The following COL8A1 variants were observed in gnomAD, a reference collection of about 807,000 sequenced individuals.
COL8A1 encodes collagen type VIII alpha 1 chain.
A neutral mutation model predicts 42.7 loss-of-function variants in COL8A1; 21 were observed. That is an observed-to-expected ratio of 0.49 (90% confidence interval 0.35 to 0.71). The LOEUF (loss-of-function observed/expected upper bound fraction) is 0.71, where lower values mean the gene tolerates loss of function less well. Among genes scored for constraint, COL8A1 ranks in the 30% least tolerant of loss-of-function variants. The pLI, the probability that COL8A1 is intolerant of heterozygous loss-of-function variation, is 0.01. For missense variants in COL8A1, 788 were observed against 962.4 expected (o/e 0.82, Z 2.40); for synonymous variants, 367 against 369.1 (o/e 0.99, Z 0.06).
At chr3:99,728,967 T>A (rs1696566773) in intron 1 of COL8A1, among the ~76,000 whole-genome samples, 1 of 152,088 alleles carries the variant, frequency 6.6e-6, no homozygotes, top group African/African-American at 2.4e-5. Flanking sequence ...GACCATGTCC[T>A]GCATCACCAT....
chr3:99,702,424 A>G (rs555442901), intron 1 of COL8A1, among the ~76,000 whole-genome samples: 1 of 152,338 alleles, frequency 6.6e-6, no homozygotes, highest in South Asian at 2.1e-4. Flanking sequence ...AAATTCACTT[A>G]GAGTCTAGTT....
rs546183732 is a variant in COL8A1 at position 99,652,735 on chromosome 3, G to A, written c.-129+14071G>A. Among the ~76,000 whole-genome samples the A allele has an allele frequency of 4.8e-4, 73 of 152,328 alleles. 1 individual carries two copies. The highest frequency in any genetic ancestry group is 1.0e-3 in the South Asian group (5 of 4,828). On this transcript the variant is annotated intron_variant, in intron 1 of 3. Transcript: ENST00000652472. ...GCAGCTAACATGTCTTGATGGGCTA[G>A]TCAGCAGGAATAGTTTTGTAGGTTA...
chr3:99,739,814 G>T (rs1257525781), intron 1 of COL8A1, among the ~76,000 whole-genome samples: 1 of 152,106 alleles, frequency 6.6e-6, no homozygotes, highest in Non-Finnish European at 1.5e-5. Flanking sequence ...CATTGTCTTG[G>T]TATTAACATC....
chr3:99,680,604 T>C (rs1202496139), intron 1 of COL8A1: 1 of 152,190 alleles, frequency 6.6e-6, no homozygotes, highest in South Asian at 2.1e-4. Flanking sequence ...TAGTTTACAG[T>C]CCCACCAACA....
At chr3:99,646,723 C>G (rs1937650307) in intron 1 of COL8A1, among the ~76,000 whole-genome samples, 1 of 152,036 alleles carries the variant, frequency 6.6e-6, no homozygotes, top group South Asian at 2.1e-4. Flanking sequence ...ATACAGAGGT[C>G]AATCCCACAT....
chr3:99,712,091 A>C (rs1044332388), intron 1 of COL8A1, among the ~76,000 whole-genome samples: 5 of 152,288 alleles, frequency 3.3e-5, no homozygotes, highest in Non-Finnish European at 5.9e-5. Context: ...ATAAAGTCAT[A>C]CTTTGAAATT....
At chr3:99,776,171 T>C (rs1440104054) in intron 2 of COL8A1, among the ~76,000 whole-genome samples, 1 of 152,192 alleles carries the variant, frequency 6.6e-6, no homozygotes, top group Non-Finnish European at 1.5e-5. Context: ...TAGTCTTTAC[T>C]GTGTTTCAAG....
At chr3:99,735,129 G>T (rs1457162540) in intron 1 of COL8A1, among the ~76,000 whole-genome samples, 1 of 144,152 alleles carries the variant, frequency 6.9e-6, no homozygotes, top group Non-Finnish European at 1.5e-5. Flanking sequence ...TTTCCTAATT[G>T]AATACCCTTT....
intron 1 of COL8A1, among the ~76,000 whole-genome samples, chr3:99,663,057 T>C (rs896446731): frequency 3.3e-5 from 5 of 152,222 alleles, no homozygotes; most frequent in Non-Finnish European, 5.9e-5. Context: ...TCACAAGTCC[T>C]GAGAATAATG....
chr3:99,736,774 T>C (rs1172362240), intron 1 of COL8A1, among the ~76,000 whole-genome samples: 10 of 151,344 alleles, frequency 6.6e-5, no homozygotes, highest in African/African-American at 2.4e-5. Context: ...TGAGTTCAAT[T>C]CCTGGGTATC....
intron 1 of COL8A1, among the ~76,000 whole-genome samples, chr3:99,669,146 T>TATAGAG: frequency 6.1e-5 from 7 of 115,360 alleles, no homozygotes; most frequent in African/African-American, 1.2e-4. Context: ...TATATATATA[T>TATAGAG]AGAGGGAGAG....
chr3:99,725,081 C>A (rs1333409757), intron 1 of COL8A1, among the ~76,000 whole-genome samples: 18 of 152,056 alleles, frequency 1.2e-4, no homozygotes. Flanking sequence ...CAATAAACAA[C>A]AGCTGTTACT....
intron 1 of COL8A1, among the ~76,000 whole-genome samples, chr3:99,659,010 T>C (rs1559770193): frequency 6.6e-6 from 1 of 151,800 alleles, no homozygotes; most frequent in Non-Finnish European, 1.5e-5. Flanking sequence ...CAAGCCAGCA[T>C]TCTAGGTGAT....
rs1270658670 is a variant in COL8A1, at chr3:99,796,156, A to C, written c.*20A>C. Reference sequence around the variant, plus strand: ...ATGTAAAAACAAAAAAACAAAAAACAAAGAAAAGAAAGAGATTTTATAGAA... The same window carrying C: ...ATGTAAAAACAAAAAAACAAAAAACCAAGAAAAGAAAGAGATTTTATAGAA... On this transcript the variant is annotated 3_prime_UTR_variant, in exon 4 of 4. Coordinates refer to ENST00000652472, the MANE Select transcript of COL8A1 (RefSeq NM_020351.4). 1.4e-6 allele frequency: 2 copies of C among 1,444,188 alleles called. No homozygotes were observed. The highest frequency in any genetic ancestry group is 2.3e-5 in the East Asian group (1 of 43,104). The allele number at this position is 1,444,188 out of a possible 1,614,324, so 89.5% of individuals were successfully genotyped here. A position where few individuals can be genotyped will look rare whatever the true frequency, so the allele number is the denominator to read the frequency against.
chr3:99,669,123 T>TTATATATATATATA (rs775831851), intron 1 of COL8A1, among the ~76,000 whole-genome samples: 7 of 96,584 alleles, frequency 7.2e-5, no homozygotes, highest in East Asian at 6.5e-4. Flanking sequence ...CTTAAAAAAA[T>TTATATATATATATA]TATATATATA....
At chr3:99,669,800 A>G (rs1176984971) in intron 1 of COL8A1, among the ~76,000 whole-genome samples, 1 of 152,080 alleles carries the variant, frequency 6.6e-6, no homozygotes, top group East Asian at 1.9e-4. Flanking sequence ...GAGCAGAAAC[A>G]AAGTTTATAT....
At chr3:99,785,806 T>C (rs1489224454) in intron 2 of COL8A1, among the ~76,000 whole-genome samples, 1 of 152,160 alleles carries the variant, frequency 6.6e-6, no homozygotes. Context: ...ACTCTGCCAA[T>C]ATCTTGATCT....
At chr3:99,715,797 A>T (rs763865648) in intron 1 of COL8A1, among the ~76,000 whole-genome samples, 2 of 151,970 alleles carry the variant, frequency 1.3e-5, no homozygotes, top group Non-Finnish European at 2.9e-5. Context: ...ATTTTATTGC[A>T]TCACTCGCAA....
intron 1 of COL8A1, among the ~76,000 whole-genome samples, chr3:99,677,345 C>T (rs987773039): frequency 2.0e-5 from 3 of 152,082 alleles, no homozygotes; most frequent in Admixed American, 6.6e-5. Flanking sequence ...CATCTGTTAG[C>T]TTCTAGATTT....
Sources: allele counts gnomAD v4.1 joint callset (sites outside exome capture counted in the v4.1 genomes callset), GRCh38; gene constraint gnomAD v4.1.1; transcripts MANE v1.5; gene names NCBI Gene and HGNC (gene_info 2026-07-23, HGNC 2026-07-21).